Variants in PSMD1 observed in about 807,000 individuals in gnomAD.
PSMD1 encodes the protein 26S proteasome non-ATPase regulatory subunit 1.
PSMD1 carries 18 observed loss-of-function variants against 119.0 expected under a neutral mutation model. That is an observed-to-expected ratio of 0.15 (90% CI 0.10 to 0.22). PSMD1 has a LOEUF of 0.22. Among genes scored for constraint, PSMD1 ranks in the 10% least tolerant of loss-of-function variants. PSMD1 has a pLI of 1.00. For synonymous variants in PSMD1, 374 were observed against 396.6 expected (o/e 0.94, Z 0.68); for missense variants, 702 against 1,158.5 (o/e 0.61, Z 5.72).
At chr2:231,078,936 A>T (rs1694240460) in intron 10 of PSMD1, among the ~76,000 whole-genome samples, 189 bp downstream of exon 10, 1 of 151,530 alleles carries the variant, frequency 6.6e-6, no homozygotes, top group Admixed American at 6.6e-5. Context: ...CTGGGATTAC[A>T]GGCGCACGCC....
At chr2:231,161,286 C>A in intron 19 of PSMD1, 54 bp from the exon 20 acceptor site, 8 of 1,300,960 alleles carry the variant, frequency 6.1e-6, no homozygotes, top group South Asian at 1.4e-5. Context: ...TATTGTCCTA[C>A]TATAATAATA....
In PSMD1 at chr2:231,082,879, T is replaced by G. The variant is rs1432522873; in HGVS notation, c.1414-4T>G. On this transcript the variant is annotated splice_region_variant and splice_polypyrimidine_tract_variant and intron_variant, in intron 12 of 24. Transcript: ENST00000308696. The stretch of plus-strand genomic sequence containing the variant: ...AATCAATGGAATCTATGTTTTTTCC[T>G]TAGATCGTTAGACACGGTGGCAGTC... 1.9e-6 allele frequency: 3 copies of G among 1,607,726 alleles called. No individual in the cohort carries two copies. The Admixed American group carries it at 5.0e-5, about 27-fold the overall frequency.
chr2:231,062,807 T>G, intron 4 of PSMD1, 132 bp downstream of exon 4: 6 of 772,534 alleles, frequency 7.8e-6, no homozygotes, highest in Non-Finnish European at 1.1e-5. Flanking sequence ...CTTTCTATAA[T>G]AATTTTATGC....
intron 16 of PSMD1, among the ~76,000 whole-genome samples, chr2:231,089,976 A>G (rs1383293460): frequency 6.6e-6 from 1 of 152,176 alleles, no homozygotes; most frequent in Non-Finnish European, 1.5e-5. Context: ...TCAAGTTGAC[A>G]CTCAGTATTA....
rs138238238 is a variant in PSMD1 at position 231,068,142 on chromosome 2, A to G, written c.510+1031A>G. On this transcript the variant is annotated intron_variant, in intron 5 of 24. Coordinates refer to ENST00000308696, the MANE Select transcript of PSMD1 (RefSeq NM_002807.4). ...TTTTTCATGGTGTTTATCCCTTGAT[A>G]ATTGTATTAGTAGATAGTTAATAGC... 2.2e-3 allele frequency among the ~76,000 whole-genome samples: 337 copies of G among 152,250 alleles called. 2 individuals carry two copies. The highest frequency in any genetic ancestry group is 7.8e-3 in the African/African-American group (324 of 41,536).
At chr2:231,121,056 G>GT (rs1177470789) in intron 16 of PSMD1, among the ~76,000 whole-genome samples, 1 of 151,902 alleles carries the variant, frequency 6.6e-6, no homozygotes, top group African/African-American at 2.4e-5. Flanking sequence ...GGCAACATGT[G>GT]TTTTTTTCCT....
At chr2:231,154,741 T>A (rs1696448992) in intron 19 of PSMD1, among the ~76,000 whole-genome samples, 1 of 152,246 alleles carries the variant, frequency 6.6e-6, no homozygotes, top group South Asian at 2.1e-4. Flanking sequence ...AGTGCTGGGA[T>A]TATAGCTGTG....
rs116318963 is a variant in PSMD1 at position 231,128,864 on chromosome 2, G to A, written c.1884-9872G>A. Among the ~76,000 whole-genome samples the A allele has an allele frequency of 2.7e-3, 409 of 152,260 alleles. 2 individuals carry two copies. Among genetic ancestry groups the A allele is most frequent in the African/African-American group, 9.3e-3 (386 of 41,554 alleles). ...CCCTCCCCAGGTTAAGTTTTTTACT[G>A]GATTCCTGTGTAAAAGTTGATCTAG... On this transcript the variant is annotated intron_variant, in intron 16 of 24. Coordinates refer to ENST00000308696, the MANE Select transcript of PSMD1 (RefSeq NM_002807.4).
At chr2:231,151,666 C>G (rs933431030) in intron 18 of PSMD1, among the ~76,000 whole-genome samples, 8 of 151,958 alleles carry the variant, frequency 5.3e-5, no homozygotes, top group African/African-American at 1.9e-4. Flanking sequence ...CTTTTTATAA[C>G]TTTGTGAAAT....
At chr2:231,091,685 TCAC>T (rs1436924671) in intron 16 of PSMD1, among the ~76,000 whole-genome samples, 1 of 152,184 alleles carries the variant, frequency 6.6e-6, no homozygotes, top group African/African-American at 2.4e-5. Context: ...AGATGTTATC[TCAC>T]ATCCTTCCAT....
At chr2:231,059,695 C>T (rs530527747) in intron 1 of PSMD1, among the ~76,000 whole-genome samples, 13 of 152,182 alleles carry the variant, frequency 8.5e-5, no homozygotes, top group Non-Finnish European at 1.5e-4. Context: ...AACATACCTC[C>T]GTATTTGTAA....
intron 16 of PSMD1, among the ~76,000 whole-genome samples, chr2:231,097,615 G>T (rs1694757340): frequency 1.3e-5 from 2 of 152,112 alleles, no homozygotes; most frequent in African/African-American, 4.8e-5. Context: ...GGTTGTAATA[G>T]ATGTAGTTTA....
At chr2:231,085,207 T>G in intron 15 of PSMD1, 93 bp downstream of exon 15, 2 of 1,006,860 alleles carry the variant, frequency 2.0e-6, no homozygotes, top group Non-Finnish European at 3.1e-6. Context: ...CCACAGCGCA[T>G]GACCACCACC....
intron 16 of PSMD1, among the ~76,000 whole-genome samples, chr2:231,127,921 G>A (rs1395600310): frequency 2.6e-5 from 4 of 152,214 alleles, no homozygotes; most frequent in African/African-American, 4.8e-5. Flanking sequence ...TTCAAGGTCA[G>A]ACTCAGCCTC....
intron 10 of PSMD1, 80 bp from the exon 11 acceptor site, chr2:231,079,456 G>A (rs1305338487): frequency 4.3e-6 from 4 of 925,682 alleles, no homozygotes; most frequent in Non-Finnish European, 6.4e-6. Flanking sequence ...AAATTTTAAT[G>A]CTTTTAACCT....
chr2:231,103,836 T>C (rs370013882), intron 16 of PSMD1, among the ~76,000 whole-genome samples: 18 of 152,324 alleles, frequency 1.2e-4, no homozygotes, highest in African/African-American at 3.8e-4. Context: ...TAATTACTTC[T>C]ATTTCCTTCC....
At chr2:231,138,681 C>A in intron 16 of PSMD1, 55 bp from the exon 17 acceptor site, 1 of 1,334,322 alleles carries the variant, frequency 7.5e-7, no homozygotes, top group Non-Finnish European at 1.1e-6. Flanking sequence ...ACTCTTCTGT[C>A]TTAACTTAAA....
rs1220831588 is a variant in PSMD1, at chr2:231,079,734, C to T, written c.1239+120C>T. The T allele has an allele frequency of 1.7e-5, 10 of 594,664 alleles. No homozygotes were observed. In the East Asian group the frequency reaches 3.0e-4, roughly 18 times the overall value. 36.8% of individuals were successfully genotyped at this position (594,664 alleles called of 1,614,324 possible). On this transcript the variant is annotated intron_variant, in intron 11 of 24. Coordinates refer to ENST00000308696, the MANE Select transcript of PSMD1 (RefSeq NM_002807.4). ...GTACACTTTGTTAAGTCAGATAAGT[C>T]ATTTTGTGGAGAAGGCTAAAGTAAA...
In PSMD1 at chr2:231,147,390, T is replaced by C. The variant is rs1696277163; in HGVS notation, c.2115+1034T>C. Among the ~76,000 whole-genome samples the C allele has an allele frequency of 2.6e-5, 4 of 152,076 alleles. No individual in the cohort carries two copies. In the South Asian group the frequency reaches 6.2e-4, roughly 24 times the overall value. ...GCATGCGCCTGTAGTCCCAGCTATTTGGGAGCTGAGGTGGGAGAATCACTT... is the reference window on the plus strand; with the variant it reads ...GCATGCGCCTGTAGTCCCAGCTATTCGGGAGCTGAGGTGGGAGAATCACTT... On this transcript the variant is annotated intron_variant, in intron 18 of 24. Coordinates refer to ENST00000308696, the MANE Select transcript of PSMD1 (RefSeq NM_002807.4).
Sources: allele counts gnomAD v4.1 joint callset (sites outside exome capture counted in the v4.1 genomes callset), GRCh38; gene constraint gnomAD v4.1.1; transcripts MANE v1.5; gene names NCBI Gene and HGNC (gene_info 2026-07-23, HGNC 2026-07-21).